The following DST variants were observed in gnomAD, a reference collection of about 807,000 sequenced individuals.
The protein encoded by DST is bullous pemphigoid antigen.
Under a neutral mutation model 875.2 loss-of-function variants are expected in DST, and 253 were observed. That is an observed-to-expected ratio of 0.29 (90% CI 0.26 to 0.32). DST has a LOEUF of 0.32. Among genes scored for constraint, DST ranks in the 10% least tolerant of loss-of-function variants. DST has a pLI of 1.00. For synonymous variants in DST, 3,124 were observed against 3,197.1 expected (o/e 0.98, Z 0.77); for missense variants, 8,287 against 9,111.6 (o/e 0.91, Z 3.68).
intron 49 of DST, among the ~76,000 whole-genome samples, chr6:56,587,179 T>C (rs972071669): frequency 6.6e-6 from 1 of 151,958 alleles, no homozygotes; most frequent in South Asian, 2.1e-4. Context: ...TTTAGACGAA[T>C]GTATAACTAG....
chr6:56,784,151 C>A (rs1228275399), intron 4 of DST, among the ~76,000 whole-genome samples: 2 of 152,132 alleles, frequency 1.3e-5, no homozygotes, highest in African/African-American at 4.8e-5. Context: ...TCTGGTTCTC[C>A]TTAACATTTT....
intron 44 of DST, among the ~76,000 whole-genome samples, chr6:56,600,932 GC>G (rs1261121691): frequency 6.6e-6 from 1 of 151,914 alleles, no homozygotes; most frequent in Non-Finnish European, 1.5e-5. Flanking sequence ...TTTTATCAAT[GC>G]TCACAACACT....
At chr6:56,881,264 G>C (rs1370269638) in intron 3 of DST, among the ~76,000 whole-genome samples, 6 of 152,126 alleles carry the variant, frequency 3.9e-5, no homozygotes, top group Non-Finnish European at 8.8e-5. Flanking sequence ...CACGAGGTCA[G>C]GATTTCAAGA....
At chr6:56,550,025 G>A (rs191840511) in intron 61 of DST, among the ~76,000 whole-genome samples, 27 of 152,158 alleles carry the variant, frequency 1.8e-4, no homozygotes, top group Admixed American at 7.9e-4. Flanking sequence ...ACTGTTAACA[G>A]GATTAAAGAT....
intron 9 of DST, among the ~76,000 whole-genome samples, chr6:56,694,219 A>AAC (rs2099249826): frequency 6.6e-6 from 1 of 150,732 alleles, no homozygotes; most frequent in African/African-American, 2.4e-5. Flanking sequence ...GATATGGTAA[A>AAC]AAAAAAAAAA....
chr6:56,814,478 A>C (rs1322691843), intron 4 of DST, among the ~76,000 whole-genome samples: 1 of 152,210 alleles, frequency 6.6e-6, no homozygotes, highest in African/African-American at 2.4e-5. Flanking sequence ...AGCACCTGCC[A>C]CTAACAGTCC....
intron 4 of DST, among the ~76,000 whole-genome samples, chr6:56,817,539 T>C (rs775052944): frequency 3.1e-4 from 47 of 152,374 alleles, no homozygotes; most frequent in Non-Finnish European, 5.4e-4. Flanking sequence ...TACAAAACTC[T>C]ATGGCAAAAT....
chr6:56,893,465 C>T (rs114781299), intron 3 of DST, among the ~76,000 whole-genome samples: 2,867 of 149,504 alleles, frequency 0.019, 90 homozygotes, highest in African/African-American at 0.066. Context: ...TATAAACACA[C>T]GTGTACAAGT....
At chr6:56,528,308 C>T (rs183663147) in intron 67 of DST, among the ~76,000 whole-genome samples, 132 of 152,268 alleles carry the variant, frequency 8.7e-4, no homozygotes, top group Admixed American at 1.8e-3. Context: ...TATTGCTGAA[C>T]TGAATATAGG....
intron 3 of DST, among the ~76,000 whole-genome samples, chr6:56,882,189 C>T (rs921065273): frequency 1.3e-5 from 2 of 152,164 alleles, no homozygotes; most frequent in African/African-American, 4.8e-5. Flanking sequence ...GAAAAATAGG[C>T]TCATTTTCAA....
chr6:56,627,471 C>G (rs142904825), intron 33 of DST, among the ~76,000 whole-genome samples, 184 bp from the exon 34 acceptor site: 284 of 152,218 alleles, frequency 1.9e-3, no homozygotes, highest in Middle Eastern at 6.8e-3. Context: ...CAGAAGTGAC[C>G]CACCCCATGT....
Position 56,501,788 on chromosome 6 carries a change from T to C in DST, c.19567-95A>G, listed in dbSNP as rs140657390. ...GTTATATCATTATTCTAATTCACAC[T>C]ACTTACTGAGGGGAGGTGACGCAAA... On this transcript the variant is annotated intron_variant, in intron 78 of 103. Coordinates refer to ENST00000680361, the MANE Select transcript of DST (RefSeq NM_001374736.1). 1.1e-3 allele frequency: 1,035 copies of C among 908,794 alleles called. 7 individuals are homozygous for C. The African/African-American group carries it at 0.017, about 15-fold the overall frequency. 56.3% of individuals were successfully genotyped at this position (908,794 alleles called of 1,614,324 possible). A position where few individuals can be genotyped will look rare whatever the true frequency, so the allele number is the denominator to read the frequency against.
chr6:56,660,409 G>C (rs2099032933), intron 10 of DST, among the ~76,000 whole-genome samples: 1 of 152,114 alleles, frequency 6.6e-6, no homozygotes, highest in African/African-American at 2.4e-5. Flanking sequence ...CTATACTACA[G>C]AACAACCCAC....
At chr6:56,730,534 T>G (rs537643767) in intron 5 of DST, among the ~76,000 whole-genome samples, 1 of 152,142 alleles carries the variant, frequency 6.6e-6, no homozygotes, top group African/African-American at 2.4e-5. Context: ...CCTAGTGTCA[T>G]AGGTAGAAGA....
intron 49 of DST, among the ~76,000 whole-genome samples, chr6:56,585,580 G>A (rs2098130313): frequency 6.6e-6 from 1 of 152,082 alleles, no homozygotes; most frequent in African/African-American, 2.4e-5. Context: ...AGGGTTCTTT[G>A]TGTCTCTATT....
chr6:56,494,607 G>T (rs1323321), intron 82 of DST, among the ~76,000 whole-genome samples: 1 of 152,002 alleles, frequency 6.6e-6, no homozygotes, highest in Non-Finnish European at 1.5e-5. Context: ...TCATTGGTAC[G>T]ATTTAATTCT....
intron 49 of DST, among the ~76,000 whole-genome samples, chr6:56,583,142 C>CT (rs2098058567): frequency 6.6e-6 from 1 of 152,222 alleles, no homozygotes; most frequent in African/African-American, 2.4e-5. Flanking sequence ...AATAGTATTT[C>CT]TAGTTCTAGA....
Position 56,552,894 on chromosome 6 carries a change from C to A in DST, c.15898G>T (p.Asp5300Tyr). 1 of 1,614,028 alleles carries A rather than the reference C, an allele frequency of 6.2e-7. No individual in the cohort carries two copies. Among genetic ancestry groups the A allele is most frequent in the Non-Finnish European group, 8.5e-7 (1 of 1,179,888 alleles). The change falls in exon 61 of 104, where the codon GAT becomes TAT. Residue 5300 changes from aspartate to tyrosine, a missense_variant. Transcript: ENST00000680361. ...CTGTAAGCCTGGGATCCCAGCGAAT[C>A]ATGGATATCTAGCTGCTCCTTTGCA... ...QCAKEQLDIH[D>Y]SLGSQAYSNK...
intron 9 of DST, among the ~76,000 whole-genome samples, chr6:56,696,510 A>C (rs963240070): frequency 3.3e-5 from 5 of 152,000 alleles, no homozygotes; most frequent in Non-Finnish European, 7.4e-5. Flanking sequence ...TCTCTCCTCC[A>C]AAGGCAGCTG....
Sources: allele counts gnomAD v4.1 joint callset (sites outside exome capture counted in the v4.1 genomes callset), GRCh38; gene constraint gnomAD v4.1.1; transcripts MANE v1.5; gene names NCBI Gene and HGNC (gene_info 2026-07-23, HGNC 2026-07-21).